The following FBXW2 variants were observed in gnomAD, a reference collection of about 807,000 sequenced individuals.
FBXW2 encodes F-box/WD repeat-containing protein 2.
In FBXW2, 12 loss-of-function variants were observed where a neutral mutation model predicts 46.0. The observed-to-expected ratio is 0.26, with a 90% confidence interval of 0.17 to 0.42. FBXW2 has a LOEUF of 0.42. Ranked by LOEUF, FBXW2 falls within the 10% of genes least tolerant of loss-of-function variation. The pLI, the probability that FBXW2 is intolerant of heterozygous loss-of-function variation, is 1.00. For synonymous variants in FBXW2, 203 were observed against 209.6 expected (o/e 0.97, Z 0.27); for missense variants, 360 against 537.0 (o/e 0.67, Z 3.26).
At chr9:120,778,086 A>C (rs1401399758) in intron 4 of FBXW2, among the ~76,000 whole-genome samples, 3 of 149,524 alleles carry the variant, frequency 2.0e-5, no homozygotes, top group Admixed American at 2.0e-4. Context: ...AGAGAGAATG[A>C]GAGAGAGAGA....
intron 4 of FBXW2, 96 bp downstream of exon 4, chr9:120,778,255 G>A: frequency 9.4e-7 from 1 of 1,059,050 alleles, no homozygotes; most frequent in South Asian, 1.7e-5. Context: ...GAAAAAAGCA[G>A]GTTAAATTAA....
intron 3 of FBXW2, among the ~76,000 whole-genome samples, chr9:120,784,754 T>A (rs1298752556): frequency 6.6e-6 from 1 of 151,870 alleles, no homozygotes; most frequent in Non-Finnish European, 1.5e-5. Flanking sequence ...ACCCCTTCTC[T>A]ACTAAAAATA....
intron 3 of FBXW2, among the ~76,000 whole-genome samples, chr9:120,783,710 C>T (rs1272663059): frequency 1.3e-5 from 2 of 152,160 alleles, no homozygotes; most frequent in East Asian, 1.9e-4. Context: ...CTAATTCATC[C>T]GTGTATGCCC....
Position 120,793,112 on chromosome 9 carries a change from C to A in FBXW2, c.-21+37G>T. ...ATCAACCCATTCGTTGCTCCCAGGT[C>A]CCTTGCTCTCGGAATCGTGTTCCGC... On this transcript the variant is annotated intron_variant, in intron 2 of 7. Transcript: ENST00000608872. 1.4e-6 allele frequency: 1 copy of A among 699,428 alleles called. No homozygotes were observed. Among genetic ancestry groups the A allele is most frequent in the South Asian group, 1.8e-5 (1 of 56,872 alleles). 43.3% of individuals were successfully genotyped at this position (699,428 alleles called of 1,614,324 possible).
rs2044759956 is a variant in FBXW2, at chr9:120,788,027, G to A, written c.232C>T (p.Leu78Phe). The stretch of plus-strand genomic sequence containing the variant: ...TGTTTAGAGACGAGGCAGCATGTGA[G>A]TAAAGTCTGAGGATCGAGCCATTTT... ...LLKWLDPQTLLTCCLVSKQWN... is the reference protein window; with the variant it reads ...LLKWLDPQTLFTCCLVSKQWN... Residue 78 changes from leucine (L) to phenylalanine (F), a missense_variant, in exon 3 of 8, where the codon CTC becomes TTC. Transcript: ENST00000608872. 1 of 1,614,090 alleles carries A rather than the reference G, an allele frequency of 6.2e-7. No homozygotes were observed. The highest frequency in any genetic ancestry group is 1.3e-5 in the African/African-American group (1 of 74,936).
intron 3 of FBXW2, among the ~76,000 whole-genome samples, chr9:120,783,095 G>A (rs568100773): frequency 9.9e-5 from 15 of 151,262 alleles, no homozygotes; most frequent in Non-Finnish European, 1.5e-4. Flanking sequence ...GTATGTTTTC[G>A]CACAATTTGC....
rs1448289345 is a variant in FBXW2 at position 120,758,992 on chromosome 9, T to C, written c.*5567A>G. 1 of 152,210 alleles carries C rather than the reference T, an allele frequency of 6.6e-6. No homozygotes were observed. The highest frequency in any genetic ancestry group is 1.5e-5 in the Non-Finnish European group (1 of 68,040). 9.4% of individuals were successfully genotyped at this position (152,210 alleles called of 1,614,324 possible). On this transcript the variant is annotated 3_prime_UTR_variant, in exon 8 of 8. Coordinates refer to ENST00000608872, the MANE Select transcript of FBXW2 (RefSeq NM_012164.4). ...TGTTTTACCTTTATTGTTTTGCTTT[T>C]TGGATCACCTTCAGAAATGGTTATA...
intron 5 of FBXW2, 102 bp from the exon 6 acceptor site, chr9:120,772,942 G>C: frequency 1.3e-6 from 1 of 783,092 alleles, no homozygotes; most frequent in Non-Finnish European, 2.1e-6. Flanking sequence ...ACATATGCTA[G>C]AATAGCTAAG....
intron 7 of FBXW2, among the ~76,000 whole-genome samples, chr9:120,770,016 G>A (rs1365233609): frequency 1.3e-5 from 2 of 152,184 alleles, no homozygotes; most frequent in Non-Finnish European, 1.5e-5. Flanking sequence ...GAGAGATGTG[G>A]CCCACCAAAG....
In FBXW2 at chr9:120,762,751, T is replaced by C. The variant is rs941097320; in HGVS notation, c.*1808A>G. 1.3e-5 allele frequency: 2 copies of C among 152,260 alleles called. No homozygotes were observed. The highest frequency in any genetic ancestry group is 4.8e-5 in the African/African-American group (2 of 41,460). 9.4% of individuals were successfully genotyped at this position (152,260 alleles called of 1,614,324 possible). On this transcript the variant is annotated 3_prime_UTR_variant, in exon 8 of 8. Coordinates refer to ENST00000608872, the MANE Select transcript of FBXW2 (RefSeq NM_012164.4). ...TCACCTGTAAAATGGATATGCTTTA[T>C]ACTGGAGTCAGCAAGAAGGAATAAC...
rs1284795376 is a variant in FBXW2 at position 120,793,235 on chromosome 9, G to A, written c.-107C>T. ...GACCGCCAGAGCCTTGCAGCGGCCG[G>A]GTCCGCTCCGCAGCCATGGCGCCTG... is the stretch of plus-strand genomic sequence containing the variant. On this transcript the variant is annotated 5_prime_UTR_variant, in exon 2 of 8. Transcript: ENST00000608872. 2.0e-6 allele frequency: 1 copy of A among 505,382 alleles called. No individual in the cohort carries two copies. The highest frequency in any genetic ancestry group is 2.0e-5 in the African/African-American group (1 of 50,316). The allele number at this position is 505,382 out of a possible 1,614,324, so 31.3% of individuals were successfully genotyped here. A position where few individuals can be genotyped will look rare whatever the true frequency, so the allele number is the denominator to read the frequency against.
intron 4 of FBXW2, 112 bp from the exon 5 acceptor site, chr9:120,776,338 C>T (rs2044496384): frequency 1.6e-6 from 2 of 1,232,780 alleles, no homozygotes. Context: ...ACCAGAGACA[C>T]CGTAAGAATG....
chr9:120,785,178 TTTTA>T (rs1195715689), intron 3 of FBXW2, among the ~76,000 whole-genome samples: 1 of 151,826 alleles, frequency 6.6e-6, no homozygotes, highest in Non-Finnish European at 1.5e-5. Flanking sequence ...CCAGCTGTTT[TTTTA>T]TTTTTTTGTA....
intron 3 of FBXW2, among the ~76,000 whole-genome samples, chr9:120,778,984 G>A (rs956201017): frequency 1.3e-5 from 2 of 152,222 alleles, no homozygotes; most frequent in African/African-American, 4.8e-5. Context: ...TAGTAAAGGT[G>A]TTTGCTGAAA....
At chr9:120,773,114 G>A (rs1161067707) in intron 5 of FBXW2, among the ~76,000 whole-genome samples, 1 of 151,792 alleles carries the variant, frequency 6.6e-6, no homozygotes, top group African/African-American at 2.4e-5. Flanking sequence ...TTGAGCCCAG[G>A]AGTTGGAGGA....
In FBXW2 at chr9:120,787,884, C is replaced by G; in HGVS notation, c.375G>C (p.Lys125Asn). The change falls in exon 3 of 8, where the codon AAG (lysine) becomes AAC (asparagine). Residue 125 changes from lysine to asparagine, a missense_variant. Physicochemically the swap from Lys to Asn is moderately conservative, Grantham distance 94 (BLOSUM62 0). Transcript: ENST00000608872. ...DALHWKKVYL[K>N]AILRMKQLED... ...CCAGTTGCTTCATTCTCAAAATAGC[C>G]TTCAAATAAACCTTCTTCCAGTGCA... 1 of 1,614,192 alleles carries G rather than the reference C, an allele frequency of 6.2e-7. No homozygotes were observed. Among genetic ancestry groups the G allele is most frequent in the Non-Finnish European group, 8.5e-7 (1 of 1,180,034 alleles).
At chr9:120,768,993 T>C (rs1033208747) in intron 7 of FBXW2, among the ~76,000 whole-genome samples, 1 of 152,210 alleles carries the variant, frequency 6.6e-6, no homozygotes, top group Non-Finnish European at 1.5e-5. Flanking sequence ...TGTTGCAGAA[T>C]AGAGCACAGG....
chr9:120,766,794 G>A (rs2044283911), intron 7 of FBXW2, among the ~76,000 whole-genome samples: 1 of 152,166 alleles, frequency 6.6e-6, no homozygotes, highest in African/African-American at 2.4e-5. Context: ...GTTAGGTAGA[G>A]GTATTCTCTC....
At position 120,791,461 on chromosome 9, in the gene FBXW2, C is replaced by A. The variant is rs76561915; in HGVS notation, c.-21+1688G>T. On this transcript the variant is annotated intron_variant, in intron 2 of 7. Coordinates refer to ENST00000608872, the MANE Select transcript of FBXW2 (RefSeq NM_012164.4). The stretch of plus-strand genomic sequence containing the variant: ...AACTTTTAAGCTTCAGTTTTATCAT[C>A]TGTAAAATGGAAGCCATCATCCAAC... 1.7e-3 allele frequency among the ~76,000 whole-genome samples: 259 copies of A among 152,312 alleles called. 3 individuals are homozygous for A. Among genetic ancestry groups the A allele is most frequent in the East Asian group, 0.013 (67 of 5,180 alleles).
Sources: gnomAD v4.1 joint callset for allele counts (sites outside exome capture counted in the v4.1 genomes callset) on GRCh38, gnomAD v4.1.1 for gene constraint, MANE v1.5 for transcripts, NCBI Gene and HGNC (gene_info 2026-07-23, HGNC 2026-07-21) for gene names.